Variants in SDK1 observed in about 807,000 individuals in gnomAD.
SDK1 encodes the protein sidekick cell adhesion molecule 1.
In SDK1, 157 loss-of-function variants were observed where a neutral mutation model predicts 245.5. That is an observed-to-expected ratio of 0.64 (90% CI 0.56 to 0.73). The LOEUF (loss-of-function observed/expected upper bound fraction) is 0.73, where lower values mean the gene tolerates loss of function less well. SDK1 is among the 30% of genes least tolerant of loss of function. SDK1 has a pLI of 0.00. For missense variants in SDK1, 3,583 were observed against 3,002.3 expected (o/e 1.19, Z -4.52); for synonymous variants, 1,647 against 1,278.5 (o/e 1.29, Z -6.15).
chr7:3,807,736 G>GA (rs1779286889), intron 4 of SDK1, among the ~76,000 whole-genome samples: 1 of 152,148 alleles, frequency 6.6e-6, no homozygotes, highest in South Asian at 2.1e-4. Context: ...CTTGATGAGA[G>GA]AATACATTTG....
intron 1 of SDK1, among the ~76,000 whole-genome samples, chr7:3,354,850 T>C (rs1203535185): frequency 6.6e-6 from 1 of 152,224 alleles, no homozygotes; most frequent in Admixed American, 6.5e-5. Flanking sequence ...AAGGAAACGA[T>C]TGGACTTAAA....
intron 4 of SDK1, among the ~76,000 whole-genome samples, chr7:3,818,592 A>C (rs536093464): frequency 6.6e-6 from 1 of 152,292 alleles, no homozygotes; most frequent in African/African-American, 2.4e-5. Flanking sequence ...ATGTCATCGC[A>C]TGTGCTGTTG....
At chr7:3,595,969 A>G (rs1178816219) in intron 1 of SDK1, among the ~76,000 whole-genome samples, 1 of 139,128 alleles carries the variant, frequency 7.2e-6, no homozygotes, top group Non-Finnish European at 1.5e-5. Flanking sequence ...TTTTTTTTTT[A>G]AGTCATACCA....
chr7:3,649,317 G>A (rs146615823), intron 4 of SDK1, among the ~76,000 whole-genome samples: 5 of 152,128 alleles, frequency 3.3e-5, no homozygotes, highest in East Asian at 3.9e-4. Context: ...AACAAAATGC[G>A]CATTTTCAAA....
intron 5 of SDK1, among the ~76,000 whole-genome samples, chr7:3,867,854 C>G (rs550204100): frequency 5.9e-4 from 90 of 152,110 alleles, no homozygotes; most frequent in Non-Finnish European, 9.7e-4. Flanking sequence ...CGCTATCATT[C>G]CTTGACTATG....
intron 44 of SDK1, among the ~76,000 whole-genome samples, chr7:4,257,736 A>G (rs571830908): frequency 5.8e-4 from 89 of 152,302 alleles, no homozygotes; most frequent in Admixed American, 1.8e-3. Flanking sequence ...AGCTGTTATT[A>G]TAGAATCACC....
At chr7:3,924,923 T>G (rs943450443) in intron 5 of SDK1, among the ~76,000 whole-genome samples, 1 of 152,140 alleles carries the variant, frequency 6.6e-6, no homozygotes, top group Admixed American at 6.5e-5. Context: ...TTCCTAATAA[T>G]GGCCACTGTC....
At chr7:3,387,225 T>C (rs1193921647) in intron 1 of SDK1, among the ~76,000 whole-genome samples, 5 of 152,104 alleles carry the variant, frequency 3.3e-5, no homozygotes, top group Non-Finnish European at 7.4e-5. Flanking sequence ...CTGAGGTTTT[T>C]CCTAGTTCTC....
intron 1 of SDK1, among the ~76,000 whole-genome samples, chr7:3,601,406 G>C (rs1781250694): frequency 6.6e-6 from 1 of 152,044 alleles, no homozygotes; most frequent in Admixed American, 6.6e-5. Context: ...TTGCTTATGG[G>C]ACTATTTGGA....
intron 5 of SDK1, among the ~76,000 whole-genome samples, chr7:3,837,786 T>A (rs1780059366): frequency 6.6e-6 from 1 of 152,230 alleles, no homozygotes; most frequent in African/African-American, 2.4e-5. Context: ...TTTAAACTTT[T>A]TTATTTTGGT....
intron 22 of SDK1, among the ~76,000 whole-genome samples, chr7:4,085,351 A>T (rs1456699327): frequency 6.6e-6 from 1 of 152,216 alleles, no homozygotes; most frequent in Non-Finnish European, 1.5e-5. Flanking sequence ...TATTCAGTTT[A>T]TACCTACAGT....
intron 14 of SDK1, among the ~76,000 whole-genome samples, chr7:3,988,256 G>C (rs1392356077): frequency 1.4e-5 from 2 of 146,784 alleles, no homozygotes; most frequent in African/African-American, 5.1e-5. Flanking sequence ...TCCTTTCCCT[G>C]GACCCCAGCC....
intron 35 of SDK1, among the ~76,000 whole-genome samples, chr7:4,205,115 AG>A (rs1784144456): frequency 7.0e-6 from 1 of 142,916 alleles, no homozygotes; most frequent in South Asian, 2.2e-4. Flanking sequence ...AGGGGGAGCG[AG>A]GGGGCTGGAG....
intron 1 of SDK1, among the ~76,000 whole-genome samples, chr7:3,464,970 C>T (rs1780947900): frequency 6.6e-6 from 1 of 151,984 alleles, no homozygotes; most frequent in Non-Finnish European, 1.5e-5. Flanking sequence ...AAATAATGTA[C>T]TTCGTGCTGC....
At chr7:3,964,782 C>T (rs902823102) in intron 9 of SDK1, among the ~76,000 whole-genome samples, 2 of 152,172 alleles carry the variant, frequency 1.3e-5, no homozygotes, top group Non-Finnish European at 2.9e-5. Flanking sequence ...GTGTGCACAG[C>T]CAAGGGCTCT....
intron 1 of SDK1, among the ~76,000 whole-genome samples, chr7:3,442,157 A>C (rs2128588779): frequency 6.6e-6 from 1 of 152,328 alleles, no homozygotes; most frequent in East Asian, 1.9e-4. Context: ...AGATTAAGCC[A>C]TTATTATTGG....
chr7:3,568,840 C>T (rs2128628807), intron 1 of SDK1, among the ~76,000 whole-genome samples: 1 of 152,280 alleles, frequency 6.6e-6, no homozygotes. Context: ...GCAAGTTTTG[C>T]CCCTAGCTAG....
chr7:4,032,362 G>T (rs1787882302), intron 17 of SDK1, among the ~76,000 whole-genome samples: 1 of 152,156 alleles, frequency 6.6e-6, no homozygotes, highest in African/African-American at 2.4e-5. Context: ...AACTGTGCAT[G>T]TACCTCAAGC....
At chr7:3,791,792 T>A (rs41888) in intron 4 of SDK1, among the ~76,000 whole-genome samples, 13,972 of 152,070 alleles carry the variant, frequency 0.092, 2,004 homozygotes, top group African/African-American at 0.31. Context: ...TTTTGGCCAG[T>A]TATGGAACAA....
Sources: allele counts gnomAD v4.1 joint callset (sites outside exome capture counted in the v4.1 genomes callset), GRCh38; gene constraint gnomAD v4.1.1; transcripts MANE v1.5; gene names NCBI Gene and HGNC (gene_info 2026-07-23, HGNC 2026-07-21).